The following FKBP5 variants were observed in gnomAD, a reference collection of about 807,000 sequenced individuals.
The protein encoded by FKBP5 is FKBP prolyl isomerase 5, also known as peptidyl-prolyl cis-trans isomerase FKBP5.
FKBP5 carries 23 observed loss-of-function variants against 50.5 expected under a neutral mutation model. The observed-to-expected ratio is 0.46, with a 90% CI of 0.33 to 0.65. FKBP5 has a LOEUF of 0.65. Among genes scored for constraint, FKBP5 ranks in the 30% least tolerant of loss-of-function variants. The pLI is 0.02. For missense variants in FKBP5, 411 were observed against 553.1 expected (o/e 0.74, Z 2.58); for synonymous variants, 176 against 190.6 (o/e 0.92, Z 0.63).
At chr6:35,725,534 G>A (rs974605085) in intron 1 of FKBP5, among the ~76,000 whole-genome samples, 3 of 152,084 alleles carry the variant, frequency 2.0e-5, no homozygotes, top group Non-Finnish European at 4.4e-5. Flanking sequence ...CACCCTTCTG[G>A]AGTCTAACTT....
intron 3 of FKBP5, 83 bp from the exon 4 acceptor site, chr6:35,620,357 C>T (rs1429151498): frequency 2.7e-6 from 4 of 1,472,070 alleles, no homozygotes; most frequent in Non-Finnish European, 3.7e-6. Flanking sequence ...TTCTAATTTC[C>T]AGTTTTTCAT....
chr6:35,658,487 G>A (rs1357621135), intron 1 of FKBP5, among the ~76,000 whole-genome samples: 1 of 152,030 alleles, frequency 6.6e-6, no homozygotes, highest in Non-Finnish European at 1.5e-5. Context: ...CAGTCTTTCA[G>A]CATTAACTAT....
chr6:35,650,774 CACAA>C (rs1166495078), intron 1 of FKBP5, among the ~76,000 whole-genome samples: 2 of 152,192 alleles, frequency 1.3e-5, no homozygotes, highest in Non-Finnish European at 2.9e-5. Context: ...CCGCACCTGG[CACAA>C]ACAGTGTAAT....
intron 2 of FKBP5, among the ~76,000 whole-genome samples, chr6:35,641,887 T>TCGGGAGGCTGAGGCAGAATTGCTTGAATC (rs1764502046): frequency 6.6e-6 from 1 of 151,728 alleles, no homozygotes; most frequent in Non-Finnish European, 1.5e-5. Context: ...TCCCAGCTAC[T>TCGGGAGGCTGAGGCAGAATTGCTTGAATC]CGGGAGGCTG....
intron 7 of FKBP5, among the ~76,000 whole-genome samples, chr6:35,588,521 T>C (rs1298051925): frequency 2.0e-5 from 3 of 152,146 alleles, no homozygotes; most frequent in Admixed American, 6.5e-5. Context: ...TCAGTCTTTA[T>C]GGAATTTTTT....
At chr6:35,583,476 T>TATC (rs1195986793) in intron 8 of FKBP5, 171 of 985,454 alleles carry the variant, frequency 1.7e-4, no homozygotes, top group Middle Eastern at 1.0e-3. Flanking sequence ...CTTGCATATA[T>TATC]ATCATGTAAC....
intron 2 of FKBP5, among the ~76,000 whole-genome samples, chr6:35,702,004 C>T (rs1766198111): frequency 6.6e-6 from 1 of 152,122 alleles, no homozygotes; most frequent in South Asian, 2.1e-4. Context: ...TGCGCCACCA[C>T]ACCCAGCTAA....
At chr6:35,719,866 G>T (rs936890781) in intron 2 of FKBP5, among the ~76,000 whole-genome samples, 1 of 152,234 alleles carries the variant, frequency 6.6e-6, no homozygotes, top group Non-Finnish European at 1.5e-5. Context: ...CTGGGAGGGG[G>T]GTTTCCGTAC....
At chr6:35,672,835 CAGG>C (rs1026743259) in intron 1 of FKBP5, among the ~76,000 whole-genome samples, 2 of 150,794 alleles carry the variant, frequency 1.3e-5, no homozygotes, top group African/African-American at 4.9e-5. Flanking sequence ...GGGGCTGAGG[CAGG>C]AGAATGGCGT....
intron 5 of FKBP5, among the ~76,000 whole-genome samples, chr6:35,600,979 C>CA (rs34133476): frequency 7.9e-5 from 12 of 151,240 alleles, no homozygotes; most frequent in Admixed American, 2.0e-4. Context: ...GTAACCATGC[C>CA]AAAAAAAAGT....
At position 35,619,074 on chromosome 6, in the gene FKBP5, T is replaced by A. The variant is rs534533382; in HGVS notation, c.508+22A>T. Reference sequence around the variant, plus strand: ...AATGGCCCAACTTTTAAGGACTAGTTCCCTCTTACTTTAATACTTACTTTC... The same window carrying A: ...AATGGCCCAACTTTTAAGGACTAGTACCCTCTTACTTTAATACTTACTTTC... On this transcript the variant is annotated intron_variant, in intron 5 of 10. Coordinates refer to ENST00000357266, the MANE Select transcript of FKBP5 (RefSeq NM_004117.4). 6 of 1,516,168 alleles carry A rather than the reference T, an allele frequency of 4.0e-6. No individual in the cohort carries two copies. The South Asian group carries it at 5.7e-5, about 14-fold the overall frequency. 93.9% of individuals were successfully genotyped at this position (1,516,168 alleles called of 1,614,324 possible).
At chr6:35,645,848 C>T (rs1764614583) in intron 1 of FKBP5, among the ~76,000 whole-genome samples, 1 of 152,200 alleles carries the variant, frequency 6.6e-6, no homozygotes, top group Non-Finnish European at 1.5e-5. Flanking sequence ...GGAACAGTGG[C>T]TTACGCCTGT....
At chr6:35,705,258 A>T (rs1383700259) in intron 2 of FKBP5, among the ~76,000 whole-genome samples, 102 of 7,684 alleles carry the variant, frequency 0.013, 6 homozygotes, top group Admixed American at 0.018. Context: ...ATATATATAT[A>T]TTTTTTTTTT....
rs1460060196 is a variant in FKBP5, at chr6:35,577,221, C to A, written c.1039G>T (p.Asp347Tyr). The A allele has an allele frequency of 4.4e-6, 7 of 1,606,422 alleles. No homozygotes were observed. The highest frequency in any genetic ancestry group is 5.1e-6 in the Non-Finnish European group (6 of 1,175,374). The change falls in exon 10 of 11, where the codon GAC becomes TAC. Residue 347 changes from aspartate (D) to tyrosine (Y), a missense_variant. Physicochemically the swap from Asp to Tyr is radical, Grantham distance 160 (BLOSUM62 -3). Transcript: ENST00000357266. Reference sequence around the variant, plus strand: ...TACAAGCCTTTCTCATTGGCACTGTCCAGTCCAAGGGCCTAGGAATAGATG... The same window carrying A: ...TACAAGCCTTTCTCATTGGCACTGTACAGTCCAAGGGCCTAGGAATAGATG... ...VECCDKALGL[D>Y]SANEKGLYRR...
At position 35,637,004 on chromosome 6, in the gene FKBP5, A is replaced by T; in HGVS notation, c.250+10T>A. 1.3e-6 allele frequency: 2 copies of T among 1,576,884 alleles called. No homozygotes were observed. Among genetic ancestry groups the T allele is most frequent in the Non-Finnish European group, 1.7e-6 (2 of 1,169,874 alleles). ...TAAGTAAAACACAACTCAAAAAAAT[A>T]CCCTCTTACCTTTGCCAAGACTAAA... On this transcript the variant is annotated intron_variant, in intron 3 of 10. Transcript: ENST00000357266.
intron 2 of FKBP5, among the ~76,000 whole-genome samples, chr6:35,713,074 C>T (rs1372394709): frequency 3.8e-5 from 2 of 52,166 alleles, no homozygotes; most frequent in Non-Finnish European, 6.1e-5. Flanking sequence ...AAGATCTGGT[C>T]TCTAAAAAAA....
At chr6:35,582,608 T>A in intron 8 of FKBP5, 4 of 936,912 alleles carry the variant, frequency 4.3e-6, no homozygotes, top group Non-Finnish European at 3.8e-6. Context: ...ACTTACAGTC[T>A]CCAGAAGTAA....
At chr6:35,581,274 AAT>A (rs1014641693) in intron 8 of FKBP5, 13 of 435,540 alleles carry the variant, frequency 3.0e-5, no homozygotes, top group South Asian at 2.9e-4. Flanking sequence ...AAACATATAT[AAT>A]ATATATATAA....
chr6:35,619,019 T>A, intron 5 of FKBP5, 77 bp downstream of exon 5: 1 of 952,400 alleles, frequency 1.0e-6, no homozygotes, highest in Non-Finnish European at 1.7e-6. Flanking sequence ...CTACAAACAT[T>A]TTTTTTTAAG....
Sources: gnomAD v4.1 joint callset for allele counts (sites outside exome capture counted in the v4.1 genomes callset) on GRCh38, gnomAD v4.1.1 for gene constraint, MANE v1.5 for transcripts, NCBI Gene and HGNC (gene_info 2026-07-23, HGNC 2026-07-21) for gene names.